NTRK2: variants seen among roughly 807,000 people sequenced by gnomAD.
NTRK2 encodes the protein neurotrophic receptor tyrosine kinase 2, also known as BDNF/NT-3 growth factors receptor.
In NTRK2, 13 loss-of-function variants were observed where a neutral mutation model predicts 94.5. That is an observed-to-expected ratio of 0.14 (90% CI 0.09 to 0.22). The LOEUF (loss-of-function observed/expected upper bound fraction) is 0.22. Ranked by LOEUF, NTRK2 falls within the 10% of genes least tolerant of loss-of-function variation. The pLI, the probability that NTRK2 is intolerant of heterozygous loss-of-function variation, is 1.00. For synonymous variants in NTRK2, 372 were observed against 407.4 expected, an observed-to-expected ratio of 0.91 and a Z score of 1.05; for missense variants, 639 against 1,071.2, an observed-to-expected ratio of 0.60 and a Z score of 5.63.
At chr9:84,882,721 C>CGT (rs2076296030) in intron 14 of NTRK2, among the ~76,000 whole-genome samples, 2 of 110,864 alleles carry the variant, frequency 1.8e-5, no homozygotes, top group African/African-American at 7.2e-5. Flanking sequence ...TGTGTGTGTG[C>CGT]GCGCGCGCGC....
intron 12 of NTRK2, among the ~76,000 whole-genome samples, chr9:84,807,594 T>A (rs527336938): frequency 6.6e-6 from 1 of 152,218 alleles, no homozygotes; most frequent in Admixed American, 6.5e-5. Context: ...TGTCAAAATA[T>A]CTATATTTCA....
intron 6 of NTRK2, among the ~76,000 whole-genome samples, chr9:84,715,451 T>G (rs2061658306): frequency 6.6e-6 from 1 of 152,172 alleles, no homozygotes; most frequent in Admixed American, 6.6e-5. Flanking sequence ...CCTCACAATA[T>G]TTTTCTAACA....
intron 13 of NTRK2, among the ~76,000 whole-genome samples, chr9:84,863,084 G>A (rs978970397): frequency 5.3e-5 from 8 of 152,118 alleles, no homozygotes; most frequent in Non-Finnish European, 2.9e-5. Context: ...TCCAGGATTA[G>A]CACGGCCCCA....
At chr9:84,994,464 G>A (rs1829483824) in intron 17 of NTRK2, among the ~76,000 whole-genome samples, 1 of 152,176 alleles carries the variant, frequency 6.6e-6, no homozygotes, top group South Asian at 2.1e-4. Context: ...AACAGTAGTG[G>A]CTGATCCCAG....
At chr9:84,751,345 G>T (rs2064588264) in intron 11 of NTRK2, among the ~76,000 whole-genome samples, 1 of 152,152 alleles carries the variant, frequency 6.6e-6, no homozygotes, top group Non-Finnish European at 1.5e-5. Context: ...TTTGGGAGGT[G>T]TAGGTGGAAG....
chr9:84,882,176 C>T (rs2076273313), intron 14 of NTRK2, among the ~76,000 whole-genome samples: 1 of 149,596 alleles, frequency 6.7e-6, no homozygotes, highest in African/African-American at 2.5e-5. Context: ...TCAAGCCAGG[C>T]TTCTTTCATG....
At chr9:84,801,326 G>A (rs2070421723) in intron 12 of NTRK2, among the ~76,000 whole-genome samples, 2 of 152,196 alleles carry the variant, frequency 1.3e-5, no homozygotes, top group African/African-American at 4.8e-5. Flanking sequence ...AGGCATCACT[G>A]TAGAAATGAA....
At chr9:84,845,803 A>G (rs1587648135) in intron 12 of NTRK2, among the ~76,000 whole-genome samples, 1 of 152,288 alleles carries the variant, frequency 6.6e-6, no homozygotes, top group East Asian at 1.9e-4. Context: ...GGGATAAAAG[A>G]CAGCATATTG....
chr9:85,012,646 C>G (rs1278357057), intron 17 of NTRK2, among the ~76,000 whole-genome samples: 1 of 152,022 alleles, frequency 6.6e-6, no homozygotes, highest in Non-Finnish European at 1.5e-5. Flanking sequence ...TATGTAAAAG[C>G]AAAAAGTGTA....
At chr9:84,966,133 A>G (rs1404735753) in intron 17 of NTRK2, among the ~76,000 whole-genome samples, 1 of 152,198 alleles carries the variant, frequency 6.6e-6, no homozygotes, top group South Asian at 2.1e-4. Flanking sequence ...AGAATTATCA[A>G]ACATAAAATA....
intron 17 of NTRK2, among the ~76,000 whole-genome samples, chr9:84,958,005 C>T (rs760250649): frequency 3.0e-4 from 46 of 152,070 alleles, no homozygotes; most frequent in Non-Finnish European, 5.1e-4. Flanking sequence ...GGCCACATAC[C>T]ATATGATTCC....
chr9:84,815,440 A>G (rs201812398), intron 12 of NTRK2: 65 of 1,046,276 alleles, frequency 6.2e-5, no homozygotes, highest in Non-Finnish European at 7.3e-5. Context: ...AAGAAACGCA[A>G]ATCCTTGAGT....
intron 17 of NTRK2, among the ~76,000 whole-genome samples, chr9:84,964,267 A>C (rs1172486239): frequency 6.6e-6 from 1 of 152,174 alleles, no homozygotes; most frequent in Non-Finnish European, 1.5e-5. Context: ...GTTACTGTTA[A>C]GATTTATTGG....
chr9:84,892,936 T>G (rs2076639024), intron 14 of NTRK2, among the ~76,000 whole-genome samples: 1 of 148,250 alleles, frequency 6.7e-6, no homozygotes, highest in South Asian at 2.1e-4. Flanking sequence ...AAAAAAAAAA[T>G]TACTGTACTT....
chr9:84,905,246 C>A (rs2077036642), intron 14 of NTRK2, among the ~76,000 whole-genome samples: 1 of 150,880 alleles, frequency 6.6e-6, no homozygotes, highest in South Asian at 2.1e-4. Context: ...ACTGTTACCC[C>A]AAACCTACTC....
intron 16 of NTRK2, among the ~76,000 whole-genome samples, chr9:84,950,275 G>A (rs905266397): frequency 6.6e-6 from 1 of 152,208 alleles, no homozygotes; most frequent in African/African-American, 2.4e-5. Flanking sequence ...CAGGAAGTTG[G>A]TGATCACCCT....
intron 6 of NTRK2, among the ~76,000 whole-genome samples, chr9:84,718,950 C>G (rs1180070125): frequency 3.3e-5 from 5 of 152,152 alleles, no homozygotes; most frequent in African/African-American, 1.2e-4. Context: ...TTTAAAAGAT[C>G]AAGACTTGGC....
At chr9:84,955,201 G>A in intron 16 of NTRK2, 82 bp from the exon 17 acceptor site, 1 of 1,166,660 alleles carries the variant, frequency 8.6e-7, no homozygotes, top group Non-Finnish European at 1.2e-6. Flanking sequence ...CTTAGCAAGA[G>A]GGACGGGGAG....
chr9:84,766,560 G>C (rs990148463), intron 12 of NTRK2, among the ~76,000 whole-genome samples: 1 of 151,992 alleles, frequency 6.6e-6, no homozygotes, highest in Non-Finnish European at 1.5e-5. Context: ...GATATCTCAT[G>C]CGGGGAGAGT....
Sources: allele counts gnomAD v4.1 joint callset (sites outside exome capture counted in the v4.1 genomes callset), GRCh38; gene constraint gnomAD v4.1.1; transcripts MANE v1.5; gene names NCBI Gene and HGNC (gene_info 2026-07-23, HGNC 2026-07-21).